Variants in NTM observed in about 807,000 individuals in gnomAD.
NTM encodes IgLON family member 2.
A neutral mutation model predicts 42.1 loss-of-function variants in NTM; 13 were observed. The ratio of observed to expected loss-of-function variants is 0.31; its 90% confidence interval spans 0.20 to 0.49. NTM has a LOEUF of 0.49. Among genes scored for constraint, NTM ranks in the 20% least tolerant of loss-of-function variants. The probability of loss-of-function intolerance (pLI) is 0.99; values close to 1 mark genes in which losing one functional copy is unlikely to be tolerated. For missense variants in NTM, 373 were observed against 452.8 expected (o/e 0.82, Z 1.60); for synonymous variants, 187 against 179.2 (o/e 1.04, Z -0.35).
chr11:131,797,419 G>A (rs2091687334), intron 1 of NTM, among the ~76,000 whole-genome samples: 1 of 152,132 alleles, frequency 6.6e-6, no homozygotes, highest in Non-Finnish European at 1.5e-5. Context: ...GACACTGGGT[G>A]GACAAAGAGC....
intron 1 of NTM, among the ~76,000 whole-genome samples, chr11:131,601,593 T>G (rs991914408): frequency 6.6e-6 from 1 of 152,094 alleles, no homozygotes; most frequent in Non-Finnish European, 1.5e-5. Context: ...CTCTCCTTTT[T>G]TTTTTTTAAG....
chr11:131,716,483 C>T (rs1052303421), intron 1 of NTM, among the ~76,000 whole-genome samples: 3 of 152,146 alleles, frequency 2.0e-5, no homozygotes, highest in African/African-American at 7.2e-5. Flanking sequence ...TTCATTCCCA[C>T]CAGCAGTATA....
At chr11:131,796,144 G>C in intron 1 of NTM, 1 of 985,392 alleles carries the variant, frequency 1.0e-6, no homozygotes, top group Non-Finnish European at 1.2e-6. Context: ...GACTGGAAGG[G>C]CAAAATGAAA....
At chr11:132,213,301 A>G (rs1592261495) in intron 4 of NTM, among the ~76,000 whole-genome samples, 1 of 152,164 alleles carries the variant, frequency 6.6e-6, no homozygotes, top group East Asian at 1.9e-4. Context: ...CTTGTGCAGT[A>G]GGACATCTCG....
chr11:131,528,243 C>G (rs1194963092), intron 1 of NTM, among the ~76,000 whole-genome samples: 1 of 152,176 alleles, frequency 6.6e-6, no homozygotes, highest in East Asian at 1.9e-4. Flanking sequence ...TATGCCTTCC[C>G]TCTTCAATAG....
At chr11:132,231,597 T>G (rs747475462) in intron 4 of NTM, among the ~76,000 whole-genome samples, 19 of 152,206 alleles carry the variant, frequency 1.2e-4, no homozygotes, top group Non-Finnish European at 2.4e-4. Context: ...GATACATTCT[T>G]ATTTCTATTC....
intron 1 of NTM, among the ~76,000 whole-genome samples, chr11:131,597,218 G>T (rs1347089878): frequency 6.6e-6 from 1 of 152,160 alleles, no homozygotes; most frequent in Non-Finnish European, 1.5e-5. Flanking sequence ...CTCAGGTTGG[G>T]CCCTTAGGAA....
chr11:132,246,677 A>G (rs910754998), intron 4 of NTM, among the ~76,000 whole-genome samples: 1 of 152,214 alleles, frequency 6.6e-6, no homozygotes, highest in Non-Finnish European at 1.5e-5. Flanking sequence ...CTGAGCTGAG[A>G]TATTAAAGTG....
chr11:131,451,603 T>C (rs551039019), intron 1 of NTM, among the ~76,000 whole-genome samples: 63 of 152,210 alleles, frequency 4.1e-4, no homozygotes, highest in Non-Finnish European at 5.3e-4. Context: ...CATCTGGACA[T>C]TTTGTAAGAG....
chr11:131,874,266 G>A (rs2048276222), intron 1 of NTM, among the ~76,000 whole-genome samples: 1 of 151,242 alleles, frequency 6.6e-6, no homozygotes, highest in African/African-American at 2.4e-5. Context: ...GCAAGATGTG[G>A]AACAAGAGCT....
At chr11:131,799,046 A>G (rs1380303175) in intron 1 of NTM, among the ~76,000 whole-genome samples, 1 of 152,210 alleles carries the variant, frequency 6.6e-6, no homozygotes, top group Admixed American at 6.5e-5. Context: ...GCAGACAGAA[A>G]ATTTGCCAGC....
chr11:132,189,641 T>C (rs983448649), intron 3 of NTM, among the ~76,000 whole-genome samples: 7 of 149,114 alleles, frequency 4.7e-5, no homozygotes, highest in Non-Finnish European at 7.5e-5. Context: ...TCACGGCAGA[T>C]ACACACACAC....
intron 2 of NTM, among the ~76,000 whole-genome samples, chr11:131,972,001 C>T (rs10894477): frequency 0.42 from 60,246 of 143,900 alleles, 12,565 homozygotes; most frequent in East Asian, 0.48. Context: ...TGAGATTGCG[C>T]CACTGCACTC....
At chr11:131,548,696 A>T (rs1047378654) in intron 1 of NTM, among the ~76,000 whole-genome samples, 2 of 152,122 alleles carry the variant, frequency 1.3e-5, no homozygotes, top group Admixed American at 6.5e-5. Context: ...GTGTTGCTTT[A>T]TTTATTTATG....
chr11:131,789,638 A>G (rs1422195027), intron 1 of NTM, among the ~76,000 whole-genome samples: 1 of 119,688 alleles, frequency 8.4e-6, no homozygotes, highest in Admixed American at 1.1e-4. Flanking sequence ...GAAGAAGAAA[A>G]GAAGAAGAAG....
At chr11:131,870,544 C>A (rs755218197) in intron 1 of NTM, among the ~76,000 whole-genome samples, 1 of 152,110 alleles carries the variant, frequency 6.6e-6, no homozygotes, top group Non-Finnish European at 1.5e-5. Flanking sequence ...TGTGAGCCAG[C>A]GAGGGCCCTC....
intron 7 of NTM, among the ~76,000 whole-genome samples, chr11:132,322,008 TA>T (rs1409564328): frequency 2.6e-5 from 4 of 151,164 alleles, no homozygotes; most frequent in Non-Finnish European, 5.9e-5. Context: ...AGGCCTGCCC[TA>T]AAAGAGCTCC....
chr11:131,611,909 G>A (rs2061495507), intron 1 of NTM, among the ~76,000 whole-genome samples: 1 of 152,148 alleles, frequency 6.6e-6, no homozygotes, highest in Non-Finnish European at 1.5e-5. Flanking sequence ...GCTAACTGTG[G>A]CAGCCATCCT....
intron 3 of NTM, among the ~76,000 whole-genome samples, chr11:132,147,175 TTGTGTGTGTGTGTGTGTGTGTG>T (rs751528769): frequency 8.1e-6 from 1 of 123,524 alleles, no homozygotes; most frequent in Non-Finnish European, 1.6e-5. Flanking sequence ...CCTTGTATGT[TTGTGTGTGTGTGTGTGTGTGTG>T]TGTGTGTGTG....
Sources: allele counts gnomAD v4.1 joint callset (sites outside exome capture counted in the v4.1 genomes callset), GRCh38; gene constraint gnomAD v4.1.1; transcripts MANE v1.5; gene names NCBI Gene and HGNC (gene_info 2026-07-23, HGNC 2026-07-21).